Variants in ZNF407 observed in about 807,000 individuals in gnomAD.
The protein encoded by ZNF407 is zinc finger protein 407.
A neutral mutation model predicts 131.2 loss-of-function variants in ZNF407; 17 were observed. That is an observed-to-expected ratio of 0.13 (90% CI 0.09 to 0.19). The LOEUF is 0.19. Ranked by LOEUF, ZNF407 falls within the 10% of genes least tolerant of loss-of-function variation. The pLI is 1.00. For missense variants in ZNF407, 2,681 were observed against 2,830.6 expected (o/e 0.95, Z 1.20); for synonymous variants, 1,156 against 1,062.0 (o/e 1.09, Z -1.72).
At chr18:74,689,586 G>A (rs568288786) in intron 3 of ZNF407, among the ~76,000 whole-genome samples, 7 of 152,286 alleles carry the variant, frequency 4.6e-5, no homozygotes, top group African/African-American at 1.4e-4. Context: ...TATGTGTTCT[G>A]AGTGATAGTA....
chr18:74,994,481 A>C (rs921725644), intron 8 of ZNF407, among the ~76,000 whole-genome samples: 2 of 152,248 alleles, frequency 1.3e-5, no homozygotes, highest in African/African-American at 4.8e-5. Flanking sequence ...AGAAGTGATG[A>C]AAATGAACAT....
chr18:74,766,976 G>GTCTC (rs1969247998), intron 3 of ZNF407, among the ~76,000 whole-genome samples: 1 of 152,084 alleles, frequency 6.6e-6, no homozygotes, highest in African/African-American at 2.4e-5. Context: ...CGGTGGCACA[G>GTCTC]TCTCTGCTCA....
intron 5 of ZNF407, among the ~76,000 whole-genome samples, chr18:74,879,477 G>A (rs963358766): frequency 3.3e-5 from 5 of 152,054 alleles, no homozygotes; most frequent in Non-Finnish European, 7.4e-5. Flanking sequence ...TAATATTAAC[G>A]AGCAAATTGT....
intron 8 of ZNF407, among the ~76,000 whole-genome samples, chr18:74,970,144 GC>G (rs1972455991): frequency 6.6e-6 from 1 of 151,762 alleles, no homozygotes; most frequent in South Asian, 2.1e-4. Context: ...GGAAAGACTG[GC>G]CCCCATGATT....
At chr18:74,778,114 A>G (rs967774321) in intron 3 of ZNF407, among the ~76,000 whole-genome samples, 5 of 152,092 alleles carry the variant, frequency 3.3e-5, no homozygotes, top group African/African-American at 1.2e-4. Flanking sequence ...TTTTCTTCCC[A>G]CTCAGAATAA....
intron 1 of ZNF407, among the ~76,000 whole-genome samples, chr18:74,616,681 T>G (rs1182080418): frequency 1.3e-5 from 2 of 151,712 alleles, no homozygotes; most frequent in African/African-American, 4.8e-5. Context: ...TCTGTTGCAA[T>G]GTTTACCCAT....
chr18:74,852,397 G>A (rs988651512), intron 4 of ZNF407, among the ~76,000 whole-genome samples: 9 of 152,062 alleles, frequency 5.9e-5, no homozygotes, highest in African/African-American at 2.2e-4. Flanking sequence ...TTGACAACTA[G>A]CTGTATCAAA....
chr18:75,046,170 T>G (rs558147538), intron 8 of ZNF407, among the ~76,000 whole-genome samples: 5 of 152,318 alleles, frequency 3.3e-5, no homozygotes, highest in African/African-American at 1.2e-4. Context: ...CTGCTATATA[T>G]TGTGGAGGTG....
intron 8 of ZNF407, among the ~76,000 whole-genome samples, chr18:75,020,296 GTA>G (rs1973092943): frequency 1.5e-5 from 2 of 137,904 alleles, no homozygotes; most frequent in Non-Finnish European, 3.1e-5. Flanking sequence ...GTGTGTATGT[GTA>G]TATGTGTGTG....
intron 3 of ZNF407, among the ~76,000 whole-genome samples, chr18:74,772,883 G>T (rs1347910072): frequency 1.3e-5 from 2 of 152,054 alleles, no homozygotes; most frequent in Non-Finnish European, 2.9e-5. Context: ...AAAAAGAAAA[G>T]TCTTGGTAGC....
intron 8 of ZNF407, among the ~76,000 whole-genome samples, chr18:75,028,210 G>C (rs1973194034): frequency 6.6e-6 from 1 of 152,222 alleles, no homozygotes; most frequent in Non-Finnish European, 1.5e-5. Context: ...AGCACCATGG[G>C]CTGGGCGGCT....
intron 7 of ZNF407, among the ~76,000 whole-genome samples, chr18:74,892,869 G>T (rs1319320994): frequency 2.0e-5 from 3 of 152,096 alleles, no homozygotes; most frequent in Admixed American, 1.3e-4. Context: ...TCATGCCTAA[G>T]TCTGTGCATG....
At chr18:74,744,373 A>G (rs904701606) in intron 3 of ZNF407, among the ~76,000 whole-genome samples, 1 of 152,134 alleles carries the variant, frequency 6.6e-6, no homozygotes, top group Non-Finnish European at 1.5e-5. Flanking sequence ...TCTTTGTGCT[A>G]GCCTGGGTTT....
At chr18:74,780,472 C>G (rs1304370138) in intron 3 of ZNF407, among the ~76,000 whole-genome samples, 1 of 152,142 alleles carries the variant, frequency 6.6e-6, no homozygotes, top group East Asian at 1.9e-4. Flanking sequence ...CCTTTCATAT[C>G]ATAGAATGCT....
intron 3 of ZNF407, among the ~76,000 whole-genome samples, chr18:74,651,560 G>A (rs1568147054): frequency 6.6e-6 from 1 of 152,102 alleles, no homozygotes; most frequent in Admixed American, 6.6e-5. Flanking sequence ...GACAGTCATC[G>A]ACAGAGAATA....
intron 8 of ZNF407, among the ~76,000 whole-genome samples, chr18:74,969,813 T>G (rs1180039057): frequency 6.6e-6 from 1 of 152,222 alleles, no homozygotes; most frequent in Non-Finnish European, 1.5e-5. Context: ...GATGGTTTGG[T>G]TAAGTGTTGT....
At chr18:74,829,060 A>G (rs1386554242) in intron 4 of ZNF407, among the ~76,000 whole-genome samples, 1 of 152,228 alleles carries the variant, frequency 6.6e-6, no homozygotes, top group Non-Finnish European at 1.5e-5. Context: ...TTTTCAAAGT[A>G]TACTTAATTA....
intron 7 of ZNF407, among the ~76,000 whole-genome samples, chr18:74,909,739 A>G (rs1029674469): frequency 6.6e-6 from 1 of 152,128 alleles, no homozygotes; most frequent in Non-Finnish European, 1.5e-5. Flanking sequence ...ATAAACCTTT[A>G]TACAAATTTC....
intron 8 of ZNF407, among the ~76,000 whole-genome samples, chr18:74,977,268 CT>C (rs1427217424): frequency 6.6e-6 from 1 of 152,214 alleles, no homozygotes; most frequent in Admixed American, 6.5e-5. Flanking sequence ...TCAGCAATGC[CT>C]TCCTCTTACC....
Sources: allele counts gnomAD v4.1 joint callset (sites outside exome capture counted in the v4.1 genomes callset), GRCh38; gene constraint gnomAD v4.1.1; transcripts MANE v1.5; gene names NCBI Gene and HGNC (gene_info 2026-07-23, HGNC 2026-07-21).